The following RBM19 variants were observed in gnomAD, a reference collection of about 807,000 sequenced individuals.
RBM19 encodes the protein probable RNA-binding protein 19.
In RBM19, 94 loss-of-function variants were observed where a neutral mutation model predicts 116.8. The observed-to-expected ratio is 0.80, with a 90% CI of 0.68 to 0.95. The LOEUF (loss-of-function observed/expected upper bound fraction) is 0.95, where lower values mean the gene tolerates loss of function less well. Among genes scored for constraint, RBM19 ranks in the 40% least tolerant of loss-of-function variants. The probability of loss-of-function intolerance (pLI) is 0.00; values close to 1 mark genes in which losing one functional copy is unlikely to be tolerated. For missense variants in RBM19, 1,161 were observed against 1,220.7 expected (o/e 0.95, Z 0.73); for synonymous variants, 475 against 494.1 (o/e 0.96, Z 0.51).
chr12:113,827,033 G>A (rs1387315834), intron 23 of RBM19, among the ~76,000 whole-genome samples: 2 of 152,062 alleles, frequency 1.3e-5, no homozygotes, highest in Admixed American at 6.5e-5. Context: ...AGTTCCCACC[G>A]AATGACACCC....
chr12:113,925,648 G>A (rs1426743008), intron 17 of RBM19, among the ~76,000 whole-genome samples: 1 of 152,188 alleles, frequency 6.6e-6, no homozygotes, highest in Non-Finnish European at 1.5e-5. Context: ...CAAGTGGACT[G>A]TGTGACCTAA....
chr12:113,894,867 G>A (rs1187287957), intron 21 of RBM19, among the ~76,000 whole-genome samples: 1 of 152,206 alleles, frequency 6.6e-6, no homozygotes, highest in Non-Finnish European at 1.5e-5. Context: ...CTAAGGCCAC[G>A]ACTGGGACAG....
intron 16 of RBM19, among the ~76,000 whole-genome samples, chr12:113,927,604 A>C (rs12296436): frequency 7.5e-5 from 7 of 92,728 alleles, no homozygotes; most frequent in East Asian, 8.4e-4. Context: ...AAAAAAAAAA[A>C]CAAAAAAAAA....
intron 16 of RBM19, 134 bp downstream of exon 16, chr12:113,936,873 G>A (rs1477715873): frequency 8.4e-7 from 1 of 1,197,032 alleles, no homozygotes; most frequent in African/African-American, 1.6e-5. Context: ...CTGAGAGTCT[G>A]AGCCCTGCTG....
chr12:113,848,808 T>C (rs925053141), intron 22 of RBM19, among the ~76,000 whole-genome samples: 13 of 152,310 alleles, frequency 8.5e-5, no homozygotes, highest in East Asian at 3.9e-4. Context: ...CCTGGGCTTG[T>C]TCATCTCAGG....
chr12:113,876,670 G>A (rs1352552769), intron 21 of RBM19, among the ~76,000 whole-genome samples: 1 of 151,958 alleles, frequency 6.6e-6, no homozygotes, highest in African/African-American at 2.4e-5. Flanking sequence ...GTGTGCCTGT[G>A]TTCCCAGATA....
At position 113,935,517 on chromosome 12, in the gene RBM19, AGGTTT is replaced by A. The variant is rs1209189645; in HGVS notation, c.2068+1485_2068+1489del. ...AACGAGCAGGAGTCGGGCTTTCACA[AGGTTT>A]ACACCAATCATCATTAACCCCAACG... On this transcript the variant is annotated intron_variant, in intron 16 of 23. Transcript: ENST00000261741. Among the ~76,000 whole-genome samples the A allele has an allele frequency of 2.0e-5, 3 of 152,184 alleles. 1 individual carries two copies. The East Asian group carries it at 5.8e-4, about 29-fold the overall frequency.
rs1461197351 is a variant in RBM19, at chr12:113,852,254, G to A, written c.2664+6537C>T. 2.0e-5 allele frequency among the ~76,000 whole-genome samples: 3 copies of A among 152,194 alleles called. No homozygotes were observed. The East Asian group carries it at 5.8e-4, about 30-fold the overall frequency. On this transcript the variant is annotated intron_variant, in intron 22 of 23. Transcript: ENST00000261741. ...GAAGCTCCAGGGACACAATTAGCAG[G>A]GGGGTCCGTCCTGGCACTGAGTCTT...
chr12:113,828,099 CAAAAAAAAAAAAA>C (rs34234377), intron 23 of RBM19, among the ~76,000 whole-genome samples: 1 of 67,334 alleles, frequency 1.5e-5, no homozygotes, highest in East Asian at 4.0e-4. Flanking sequence ...GACTCTGTCT[CAAAAAAAAAAAAA>C]AAAAAAAAAG....
chr12:113,942,462 G>A (rs532873488), intron 13 of RBM19, 28 bp from the exon 14 acceptor site: 7 of 1,568,618 alleles, frequency 4.5e-6, no homozygotes, highest in Non-Finnish European at 6.0e-6. Context: ...AAGAGTTCTG[G>A]TTGGCTGTCG....
intron 23 of RBM19, among the ~76,000 whole-genome samples, chr12:113,828,075 C>T (rs1177544104): frequency 7.8e-6 from 1 of 129,022 alleles, no homozygotes; most frequent in Non-Finnish European, 1.6e-5. Flanking sequence ...ACGATGATAG[C>T]AACAGCAGCT....
intron 21 of RBM19, among the ~76,000 whole-genome samples, chr12:113,879,503 T>G (rs1468043368): frequency 6.7e-6 from 1 of 149,536 alleles, no homozygotes; most frequent in African/African-American, 2.4e-5. Context: ...CTTCAAACAC[T>G]AGCCCCTCCC....
intron 21 of RBM19, among the ~76,000 whole-genome samples, chr12:113,869,820 T>C (rs1051392321): frequency 7.9e-5 from 12 of 152,168 alleles, no homozygotes; most frequent in African/African-American, 2.2e-4. Flanking sequence ...AGGCCTGATA[T>C]CTCCAAGGTA....
rs931972630 is a variant in RBM19 at position 113,825,702 on chromosome 12, G to A, written c.2786-2381C>T. On this transcript the variant is annotated intron_variant, in intron 23 of 23. Transcript: ENST00000261741. The surrounding 1 kb of genome is among the most constrained non-coding windows in gnomAD (Gnocchi z 5.7). Reference sequence around the variant, plus strand: ...ATCCTGACAACTTGGAGGGACTGGCGAGGGGCGAGTTCTAGCCCCATCCAT... The same window carrying A: ...ATCCTGACAACTTGGAGGGACTGGCAAGGGGCGAGTTCTAGCCCCATCCAT... Among the ~76,000 whole-genome samples the A allele has an allele frequency of 1.3e-5, 2 of 152,000 alleles. No individual in the cohort carries two copies. Among genetic ancestry groups the A allele is most frequent in the African/African-American group, 2.4e-5 (1 of 41,310 alleles).
intron 21 of RBM19, among the ~76,000 whole-genome samples, chr12:113,871,194 A>T (rs1453014897): frequency 6.6e-6 from 1 of 152,270 alleles, no homozygotes; most frequent in African/African-American, 2.4e-5. Flanking sequence ...AATAAAGAAA[A>T]GAGCCCCTGG....
At chr12:113,890,118 C>T (rs1378155220) in intron 21 of RBM19, among the ~76,000 whole-genome samples, 2 of 152,202 alleles carry the variant, frequency 1.3e-5, no homozygotes, top group Admixed American at 1.3e-4. Flanking sequence ...CTCTCATTCC[C>T]CCCTCCCTCG....
rs559861947 is a variant in RBM19 at position 113,823,086 on chromosome 12, C to T, written c.*138G>A. On this transcript the variant is annotated 3_prime_UTR_variant, in exon 24 of 24. Transcript: ENST00000261741. ...GGCCTTCCTCATCCCCTGTCTCCTC[C>T]GACCTTGGACCAGTGCAGGGTGGGG... 147 of 740,208 alleles carry T rather than the reference C, an allele frequency of 2.0e-4. No individual in the cohort carries two copies. The highest frequency in any genetic ancestry group is 1.5e-3 in the African/African-American group (85 of 56,322). The allele number at this position is 740,208 out of a possible 1,614,324, so 45.9% of individuals were successfully genotyped here. A position where few individuals can be genotyped will look rare whatever the true frequency, so the allele number is the denominator to read the frequency against.
intron 7 of RBM19, 47 bp downstream of exon 7, chr12:113,955,084 C>T (rs761610618): frequency 6.3e-7 from 1 of 1,588,000 alleles, no homozygotes; most frequent in Admixed American, 1.7e-5. Context: ...CCACCCTCGT[C>T]TCCTGCTCCC....
At chr12:113,861,165 T>C (rs1878332344) in intron 21 of RBM19, among the ~76,000 whole-genome samples, 1 of 152,176 alleles carries the variant, frequency 6.6e-6, no homozygotes, top group Non-Finnish European at 1.5e-5. Context: ...GCACAATGAC[T>C]CAACCCGCTT....
Sources: allele counts gnomAD v4.1 joint callset (sites outside exome capture counted in the v4.1 genomes callset), GRCh38; gene constraint gnomAD v4.1.1; non-coding constraint Gnocchi (gnomAD v3.1); transcripts MANE v1.5; gene names NCBI Gene and HGNC (gene_info 2026-07-23, HGNC 2026-07-21).